NAV2: variants seen among roughly 807,000 people sequenced by gnomAD.
The protein encoded by NAV2 is helicase, APC down-regulated 1.
Under a neutral mutation model 223.2 loss-of-function variants are expected in NAV2, and 54 were observed. The ratio of observed to expected loss-of-function variants is 0.24; its 90% confidence interval spans 0.19 to 0.30. The LOEUF (loss-of-function observed/expected upper bound fraction) is 0.30. NAV2 is among the 10% of genes least tolerant of loss of function. The pLI is 1.00. For missense variants in NAV2, 2,806 were observed against 3,147.5 expected (o/e 0.89, Z 2.60); for synonymous variants, 1,279 against 1,239.3 (o/e 1.03, Z -0.67).
At chr11:19,891,857 G>A (rs2041525589) in intron 5 of NAV2, among the ~76,000 whole-genome samples, 2 of 152,090 alleles carry the variant, frequency 1.3e-5, no homozygotes, top group South Asian at 4.1e-4. Flanking sequence ...AATCCTCTGA[G>A]GGCTTTATGT....
intron 36 of NAV2, among the ~76,000 whole-genome samples, chr11:20,110,995 G>A (rs2062586056): frequency 6.6e-6 from 1 of 152,126 alleles, no homozygotes; most frequent in South Asian, 2.1e-4. Context: ...TGTCATCAGG[G>A]GATGAGGATG....
intron 1 of NAV2, among the ~76,000 whole-genome samples, chr11:19,647,735 TC>T (rs2047857677): frequency 1.3e-5 from 2 of 152,302 alleles, no homozygotes; most frequent in Admixed American, 1.3e-4. Flanking sequence ...AGTCAAGGCT[TC>T]TGACCCACAC....
chr11:20,100,606 A>C (rs1799531225), intron 31 of NAV2, among the ~76,000 whole-genome samples: 1 of 149,542 alleles, frequency 6.7e-6, no homozygotes, highest in Non-Finnish European at 1.5e-5. Flanking sequence ...AAGTATAGTA[A>C]ATCCAGACAG....
At chr11:19,567,642 G>A (rs2045309037) in intron 1 of NAV2, among the ~76,000 whole-genome samples, 2 of 151,984 alleles carry the variant, frequency 1.3e-5, no homozygotes, top group Non-Finnish European at 1.5e-5. Flanking sequence ...CCCCAGCCTT[G>A]GCCCTCAGAC....
chr11:19,440,303 G>A (rs1851354276), intron 1 of NAV2, among the ~76,000 whole-genome samples: 1 of 152,152 alleles, frequency 6.6e-6, no homozygotes, highest in South Asian at 2.1e-4. Context: ...TCTAGTGAGG[G>A]TGGTGGTGGT....
intron 1 of NAV2, among the ~76,000 whole-genome samples, chr11:19,783,435 A>G (rs1278110339): frequency 6.6e-6 from 1 of 152,122 alleles, no homozygotes; most frequent in Non-Finnish European, 1.5e-5. Flanking sequence ...TCTCCATGTT[A>G]TCACCCCATC....
At chr11:19,715,672 G>T (rs1248861788) in intron 1 of NAV2, among the ~76,000 whole-genome samples, 2 of 152,148 alleles carry the variant, frequency 1.3e-5, no homozygotes, top group Admixed American at 6.5e-5. Context: ...GCTCTGGAAA[G>T]GTGATTCATC....
At chr11:20,080,309 T>C (rs1176098498) in intron 25 of NAV2, 100 bp downstream of exon 25, 4 of 1,154,702 alleles carry the variant, frequency 3.5e-6, no homozygotes, top group Non-Finnish European at 5.0e-6. Flanking sequence ...CTACTATCTG[T>C]GGAACATAGC....
At chr11:19,961,243 C>G (rs144937712) in intron 10 of NAV2, among the ~76,000 whole-genome samples, 126 of 152,216 alleles carry the variant, frequency 8.3e-4, no homozygotes, top group African/African-American at 2.9e-3. Flanking sequence ...AGTCACTGCA[C>G]CCGGCCCACG....
intron 19 of NAV2, among the ~76,000 whole-genome samples, chr11:20,059,927 A>C (rs920597238): frequency 6.6e-6 from 1 of 152,222 alleles, no homozygotes; most frequent in Non-Finnish European, 1.5e-5. Context: ...CCCTTGAAGG[A>C]GGCCGAACTG....
intron 1 of NAV2, among the ~76,000 whole-genome samples, chr11:19,623,353 A>G (rs1032486167): frequency 4.6e-5 from 7 of 152,222 alleles, no homozygotes; most frequent in Non-Finnish European, 4.4e-5. Flanking sequence ...AATATCCTGC[A>G]GAGTGTTTTC....
In NAV2 at chr11:19,933,512, G is replaced by A. The variant is rs761755037; in HGVS notation, c.1268G>A (p.Arg423Gln). ...AAGGCAGGTGAGGGGCCGGGGTCCC[G>A]GGACACAAGCTGTGAGCGGCTGGAG... is the stretch of plus-strand genomic sequence containing the variant. ...GSKAGEGPGS[R>Q]DTSCERLETL... Residue 423 changes from arginine to glutamine, a missense_variant, in exon 7 of 38, where the codon CGG becomes CAG. Coordinates refer to ENST00000349880, the MANE Select transcript of NAV2 (RefSeq NM_145117.5). The surrounding 1 kb of genome is among the most constrained non-coding windows in gnomAD (Gnocchi z 4.3). 133 of 1,610,464 alleles carry A rather than the reference G, an allele frequency of 8.3e-5. No individual in the cohort carries two copies. Among genetic ancestry groups the A allele is most frequent in the Middle Eastern group, 3.3e-4 (2 of 6,026 alleles).
intron 11 of NAV2, among the ~76,000 whole-genome samples, chr11:20,033,140 A>G (rs1250837365): frequency 1.3e-5 from 2 of 152,236 alleles, no homozygotes; most frequent in African/African-American, 4.8e-5. Flanking sequence ...ACACTGAATG[A>G]CATCGGTCAG....
intron 1 of NAV2, among the ~76,000 whole-genome samples, chr11:19,793,764 T>C (rs558224352): frequency 6.6e-6 from 1 of 152,364 alleles, no homozygotes; most frequent in East Asian, 1.9e-4. Context: ...GAGTGCCCTG[T>C]ATCATCTGGC....
At chr11:19,525,604 C>T (rs746953445) in intron 1 of NAV2, among the ~76,000 whole-genome samples, 4 of 152,160 alleles carry the variant, frequency 2.6e-5, no homozygotes, top group Admixed American at 1.3e-4. Context: ...GCAACTTCAG[C>T]GAGAACCTGC....
rs764452492 is a variant in NAV2, at chr11:19,868,977, T to C, written c.491T>C (p.Ile164Thr). 7 of 1,613,872 alleles carry C rather than the reference T, an allele frequency of 4.3e-6. No individual in the cohort carries two copies. In the East Asian group the frequency reaches 1.6e-4, roughly 36 times the overall value. ...LNFLAAKGIN[I>T]QGLSAEEIRN... ...TTCCTGGCAGCTAAGGGAATAAACA[T>C]CCAGGGGCTGTCTGCAGAAGGTGAG... Residue 164 changes from isoleucine (I) to threonine (T), a missense_variant, in exon 4 of 38, where the codon ATC (isoleucine) becomes ACC (threonine). Ile to Thr is a moderately conservative substitution (Grantham distance 89, BLOSUM62 -1). This residue lies in a region of NAV2 where 1,167 missense variants were observed against 1,180.5 expected (regional missense o/e 0.99). Coordinates refer to ENST00000349880, the MANE Select transcript of NAV2 (RefSeq NM_145117.5).
chr11:19,488,328 T>C (rs1050798557), intron 1 of NAV2, among the ~76,000 whole-genome samples: 1 of 152,240 alleles, frequency 6.6e-6, no homozygotes, highest in East Asian at 1.9e-4. Flanking sequence ...GCAATAACAC[T>C]TCAGTGCATT....
At chr11:19,689,379 G>A (rs573831189) in intron 1 of NAV2, among the ~76,000 whole-genome samples, 22 of 152,202 alleles carry the variant, frequency 1.4e-4, no homozygotes, top group Non-Finnish European at 3.2e-4. Context: ...CCAGGAATGG[G>A]AGGAAAAGTT....
intron 1 of NAV2, among the ~76,000 whole-genome samples, chr11:19,495,946 G>C (rs1053347574): frequency 6.6e-6 from 1 of 152,150 alleles, no homozygotes; most frequent in Non-Finnish European, 1.5e-5. Context: ...GCGGGAGCAG[G>C]TCTAAGGGAG....
Sources: allele counts gnomAD v4.1 joint callset (sites outside exome capture counted in the v4.1 genomes callset), GRCh38; gene constraint gnomAD v4.1.1; regional missense constraint gnomAD v4.1.1; non-coding constraint Gnocchi (gnomAD v3.1); transcripts MANE v1.5; gene names NCBI Gene and HGNC (gene_info 2026-07-23, HGNC 2026-07-21).